ANO3: variants seen among roughly 807,000 people sequenced by gnomAD.
ANO3 encodes anoctamin-3.
A neutral mutation model predicts 144.8 loss-of-function variants in ANO3; 99 were observed. That is an observed-to-expected ratio of 0.68 (90% CI 0.58 to 0.81). The LOEUF (loss-of-function observed/expected upper bound fraction) is 0.81, where lower values mean the gene tolerates loss of function less well. Among genes scored for constraint, ANO3 ranks in the 30% least tolerant of loss-of-function variants. The pLI, the probability that ANO3 is intolerant of heterozygous loss-of-function variation, is 0.00. For missense variants in ANO3, 905 were observed against 1,202.2 expected (o/e 0.75, Z 3.66); for synonymous variants, 414 against 392.6 (o/e 1.05, Z -0.64).
chr11:26,366,843 A>T (rs1469143409), intron 1 of ANO3, among the ~76,000 whole-genome samples: 1 of 150,520 alleles, frequency 6.6e-6, no homozygotes, highest in Non-Finnish European at 1.5e-5. Flanking sequence ...TTTTCTTGTA[A>T]ATTTGTTTGA....
At chr11:26,267,644 C>T (rs1441056570) in intron 1 of ANO3, among the ~76,000 whole-genome samples, 1 of 152,146 alleles carries the variant, frequency 6.6e-6, no homozygotes, top group African/African-American at 2.4e-5. Context: ...ATGTTTTCCT[C>T]TTTTAAAAGT....
chr11:26,257,105 G>C (rs1416325314), intron 1 of ANO3, among the ~76,000 whole-genome samples: 1 of 151,836 alleles, frequency 6.6e-6, no homozygotes, highest in Non-Finnish European at 1.5e-5. Flanking sequence ...TCAAAATCTA[G>C]ATCATTAATA....
intron 1 of ANO3, among the ~76,000 whole-genome samples, chr11:26,320,399 C>T (rs762645082): frequency 2.5e-4 from 38 of 152,158 alleles, no homozygotes; most frequent in Non-Finnish European, 3.5e-4. Flanking sequence ...AAAGTTGACA[C>T]AGAGCAGATA....
intron 1 of ANO3, among the ~76,000 whole-genome samples, chr11:26,296,601 G>A (rs770499247): frequency 6.6e-6 from 1 of 152,078 alleles, no homozygotes; most frequent in Non-Finnish European, 1.5e-5. Context: ...AAAAAAGGGG[G>A]TCAATCATTC....
At chr11:26,501,425 C>G (rs1299317752) in intron 4 of ANO3, among the ~76,000 whole-genome samples, 1 of 152,114 alleles carries the variant, frequency 6.6e-6, no homozygotes, top group Non-Finnish European at 1.5e-5. Flanking sequence ...AATACAAAAA[C>G]TGTAGAGAAA....
intron 1 of ANO3, among the ~76,000 whole-genome samples, chr11:26,316,789 C>A (rs1158227552): frequency 6.6e-6 from 1 of 152,120 alleles, no homozygotes; most frequent in Non-Finnish European, 1.5e-5. Context: ...GGATAGGAAT[C>A]TTGGTGATGT....
chr11:26,304,178 AT>A (rs1262789507), intron 1 of ANO3, among the ~76,000 whole-genome samples: 56 of 152,052 alleles, frequency 3.7e-4, no homozygotes, highest in African/African-American at 1.3e-3. Flanking sequence ...ATAATTTAAT[AT>A]TTTCATATTT....
intron 1 of ANO3, among the ~76,000 whole-genome samples, chr11:26,381,804 A>G (rs1308804562): frequency 2.6e-5 from 4 of 152,180 alleles, no homozygotes; most frequent in Non-Finnish European, 4.4e-5. Context: ...GACTGTAGGC[A>G]TGGCCATTTC....
chr11:26,391,925 C>A (rs1218166120), intron 1 of ANO3, among the ~76,000 whole-genome samples: 2 of 152,110 alleles, frequency 1.3e-5, no homozygotes, highest in African/African-American at 4.8e-5. Context: ...GTCAATCACT[C>A]ACCATTTTGA....
chr11:26,442,711 G>C (rs1464373176), intron 2 of ANO3, among the ~76,000 whole-genome samples: 1 of 152,108 alleles, frequency 6.6e-6, no homozygotes, highest in Non-Finnish European at 1.5e-5. Context: ...CCTTTTATAA[G>C]AGTTAAGAAT....
intron 1 of ANO3, among the ~76,000 whole-genome samples, chr11:26,348,226 G>A (rs1855545257): frequency 6.6e-6 from 1 of 152,114 alleles, no homozygotes; most frequent in Admixed American, 6.5e-5. Context: ...TACGAAGTTA[G>A]ATATGTTTTG....
chr11:26,539,074 A>G (rs552207396), intron 10 of ANO3, among the ~76,000 whole-genome samples: 7 of 152,038 alleles, frequency 4.6e-5, no homozygotes, highest in African/African-American at 1.7e-4. Context: ...TAGAGGGAAG[A>G]AGAAGAAATG....
At position 26,598,849 on chromosome 11, in the gene ANO3, C is replaced by G. The variant is rs763400985; in HGVS notation, c.1531-9C>G. On this transcript the variant is annotated splice_polypyrimidine_tract_variant and intron_variant, in intron 15 of 26. Coordinates refer to ENST00000256737, the MANE Select transcript of ANO3 (RefSeq NM_031418.4). ...TTTGATATTTAGATAACTTTCGTTT[C>G]TCTCATAGGAAACACTTCGTCCCCA... The G allele has an allele frequency of 6.2e-6, 10 of 1,607,720 alleles. No homozygotes were observed. In the South Asian group the frequency reaches 1.1e-4, roughly 18 times the overall value.
At chr11:26,364,281 C>T (rs1395678722) in intron 1 of ANO3, among the ~76,000 whole-genome samples, 1 of 152,106 alleles carries the variant, frequency 6.6e-6, no homozygotes, top group Non-Finnish European at 1.5e-5. Context: ...GAAGATCATC[C>T]AGAAACATGG....
rs370327643 is a variant in ANO3, at chr11:26,457,517, C to T, written c.314-5513C>T. On this transcript the variant is annotated intron_variant, in intron 3 of 26. Coordinates refer to ENST00000256737, the MANE Select transcript of ANO3 (RefSeq NM_031418.4). The stretch of plus-strand genomic sequence containing the variant: ...ACTCAAATTGTGAATTGAATGCAAA[C>T]AAAAGGAAGAAAATATATATTTATG... 4.0e-5 allele frequency among the ~76,000 whole-genome samples: 6 copies of T among 151,848 alleles called. No homozygotes were observed. The East Asian group carries it at 7.8e-4, about 20-fold the overall frequency.
At chr11:26,419,389 C>T (rs1208989000) in intron 1 of ANO3, among the ~76,000 whole-genome samples, 2 of 152,184 alleles carry the variant, frequency 1.3e-5, no homozygotes, top group Non-Finnish European at 1.5e-5. Context: ...CTGATTTTCA[C>T]GTCTATTGGG....
chr11:26,540,691 A>T (rs996176151), intron 10 of ANO3, among the ~76,000 whole-genome samples: 1 of 152,202 alleles, frequency 6.6e-6, no homozygotes, highest in African/African-American at 2.4e-5. Flanking sequence ...AAAGATATGA[A>T]AAAAAGCTTA....
exon 1 of ANO3, among the ~76,000 whole-genome samples, chr11:26,188,887 G>A (rs972596123): frequency 1.1e-4 from 17 of 152,126 alleles, no homozygotes; most frequent in Non-Finnish European, 5.9e-5. Flanking sequence ...GCCTCTCTGA[G>A]ATGGGATAGG....
At chr11:26,210,251 C>T (rs531043460) in intron 1 of ANO3, among the ~76,000 whole-genome samples, 5 of 152,232 alleles carry the variant, frequency 3.3e-5, no homozygotes, top group South Asian at 4.1e-4. Context: ...GAATCCTTCC[C>T]ATTGCTTGGT....
Sources: gnomAD v4.1 joint callset for allele counts (sites outside exome capture counted in the v4.1 genomes callset) on GRCh38, gnomAD v4.1.1 for gene constraint, MANE v1.5 for transcripts, NCBI Gene and HGNC (gene_info 2026-07-23, HGNC 2026-07-21) for gene names.